The following EIPR1 variants were observed in gnomAD, a reference collection of about 807,000 sequenced individuals.
The protein encoded by EIPR1 is EARP complex and GARP complex interacting protein 1.
Under a neutral mutation model 48.1 loss-of-function variants are expected in EIPR1, and 25 were observed. The observed-to-expected ratio is 0.52, with a 90% confidence interval of 0.38 to 0.73. The LOEUF is 0.73. Ranked by LOEUF, EIPR1 falls within the 30% of genes least tolerant of loss-of-function variation. The pLI is 0.00. For synonymous variants in EIPR1, 204 were observed against 201.9 expected (o/e 1.01, Z -0.09); for missense variants, 415 against 506.2 (o/e 0.82, Z 1.73).
At chr2:3,295,407 C>T (rs185623380) in intron 3 of EIPR1, among the ~76,000 whole-genome samples, 1 of 140,782 alleles carries the variant, frequency 7.1e-6, no homozygotes, top group Non-Finnish European at 1.5e-5. Context: ...TACACACACA[C>T]CCTCCATCCA....
intron 1 of EIPR1, 87 bp downstream of exon 1, chr2:3,377,561 G>T (rs1659936956): frequency 1.3e-6 from 2 of 1,495,774 alleles, no homozygotes; most frequent in African/African-American, 2.8e-5. Context: ...GGGCTGGTGG[G>T]AGATCTGCAA....
At chr2:3,253,979 G>A (rs1175712050) in intron 4 of EIPR1, among the ~76,000 whole-genome samples, 1 of 152,174 alleles carries the variant, frequency 6.6e-6, no homozygotes, top group Non-Finnish European at 1.5e-5. Flanking sequence ...CGACGTGAGT[G>A]TGGGGAACCG....
chr2:3,218,264 T>C (rs2103140640), intron 4 of EIPR1, among the ~76,000 whole-genome samples: 1 of 148,750 alleles, frequency 6.7e-6, no homozygotes, highest in South Asian at 2.2e-4. Context: ...GCGTTCACAG[T>C]GACCCAGGTG....
chr2:3,213,381 G>A (rs1665523774), intron 5 of EIPR1, among the ~76,000 whole-genome samples: 1 of 152,130 alleles, frequency 6.6e-6, no homozygotes, highest in Non-Finnish European at 1.5e-5. Context: ...TTTACTCTGT[G>A]AGAGACAAAG....
chr2:3,361,505 T>G (rs1670850394), intron 1 of EIPR1, among the ~76,000 whole-genome samples: 2 of 151,382 alleles, frequency 1.3e-5, no homozygotes, highest in Non-Finnish European at 2.9e-5. Flanking sequence ...TGACTTGATG[T>G]CCCTCCCAAA....
In EIPR1 at chr2:3,257,374, T is replaced by C; in HGVS notation, c.341A>G (p.Asp114Gly). ...ELESGSHESPDDSSSTAQTLE... is the reference protein window; with the variant it reads ...ELESGSHESPGDSSSTAQTLE... ...GGTCTGTGCAGTGCTGGATGAATCA[T>C]CAGGGGACTCGTGGCTGCCTGATTC... The change falls in exon 4 of 9, where the codon GAT becomes GGT. Residue 114 changes from aspartate to glycine, a missense_variant. Transcript: ENST00000382125. 1 of 1,614,154 alleles carries C rather than the reference T, an allele frequency of 6.2e-7. No individual in the cohort carries two copies. The highest frequency in any genetic ancestry group is 8.5e-7 in the Non-Finnish European group (1 of 1,180,028).
chr2:3,291,726 G>A (rs535080847), intron 3 of EIPR1, among the ~76,000 whole-genome samples: 2 of 152,136 alleles, frequency 1.3e-5, no homozygotes, highest in Non-Finnish European at 2.9e-5. Context: ...TATAATAGAC[G>A]TGGAAGTTAT....
intron 3 of EIPR1, among the ~76,000 whole-genome samples, chr2:3,259,413 A>C (rs1481472318): frequency 6.6e-6 from 1 of 152,202 alleles, no homozygotes; most frequent in Admixed American, 6.5e-5. Flanking sequence ...CAATAAAGCA[A>C]AAGTGGTACA....
intron 3 of EIPR1, among the ~76,000 whole-genome samples, chr2:3,331,003 C>T (rs115001506): frequency 0.032 from 4,298 of 135,450 alleles, 207 homozygotes; most frequent in African/African-American, 0.12. Context: ...GACAGGTGCA[C>T]ACACTCATGA....
chr2:3,342,732 G>GA (rs1172385620), intron 2 of EIPR1, among the ~76,000 whole-genome samples: 1 of 152,210 alleles, frequency 6.6e-6, no homozygotes, highest in Non-Finnish European at 1.5e-5. Context: ...GCAGAGGGGG[G>GA]ATCCATGTTC....
At chr2:3,309,743 G>A (rs1669063980) in intron 3 of EIPR1, among the ~76,000 whole-genome samples, 1 of 152,210 alleles carries the variant, frequency 6.6e-6, no homozygotes, top group Non-Finnish European at 1.5e-5. Context: ...ACCCCAAAAC[G>A]ACAGATGCTT....
chr2:3,336,774 A>AAAAGGAAAAGAAAAGG (rs1413973260), intron 3 of EIPR1, among the ~76,000 whole-genome samples: 4 of 151,480 alleles, frequency 2.6e-5, no homozygotes, highest in East Asian at 1.9e-4. Flanking sequence ...TCAAGAAAAG[A>AAAAGGAAAAGAAAAGG]AAAGGAAAAG....
intron 3 of EIPR1, among the ~76,000 whole-genome samples, chr2:3,308,472 T>C (rs113345828): frequency 0.01 from 1,584 of 151,728 alleles, 38 homozygotes; most frequent in African/African-American, 0.036. Flanking sequence ...ACAGGAAATG[T>C]CCAATTTGAA....
intron 4 of EIPR1, among the ~76,000 whole-genome samples, chr2:3,242,289 T>C (rs4854110): frequency 0.013 from 151 of 12,034 alleles, 27 homozygotes; most frequent in Middle Eastern, 0.14. Flanking sequence ...TTCAGGCCCC[T>C]AACTCCACAC....
intron 3 of EIPR1, among the ~76,000 whole-genome samples, chr2:3,301,797 G>A (rs1295941445): frequency 2.0e-5 from 3 of 152,174 alleles, no homozygotes; most frequent in Non-Finnish European, 4.4e-5. Context: ...GATACCTGTG[G>A]ATACTCAAAC....
At chr2:3,265,917 T>G (rs1476574641) in intron 3 of EIPR1, among the ~76,000 whole-genome samples, 1 of 152,240 alleles carries the variant, frequency 6.6e-6, no homozygotes, top group Non-Finnish European at 1.5e-5. Context: ...AACAGCCCCC[T>G]GCTTTGAAAG....
chr2:3,255,642 A>T (rs1271643343), intron 4 of EIPR1, among the ~76,000 whole-genome samples: 1 of 152,216 alleles, frequency 6.6e-6, no homozygotes, highest in Non-Finnish European at 1.5e-5. Context: ...CCTTGTCCCC[A>T]GGCAGGGCCA....
chr2:3,342,281 A>G (rs1216994287), intron 2 of EIPR1, among the ~76,000 whole-genome samples: 2 of 152,150 alleles, frequency 1.3e-5, no homozygotes, highest in Admixed American at 6.5e-5. Flanking sequence ...ATATAATACC[A>G]TCACACAGGA....
In EIPR1 at chr2:3,349,616, CGGGAGACAGGGACAGGGAGCATGCT is replaced by C. The variant is rs1298813955; in HGVS notation, c.126+4909_126+4933del. ...CAGGAGACGGGGACAGGGAGGACGCCGGGAGACAGGGACAGGGAGCATGCTGGGAGACAGGGACAGGGAGCATGCT... is the reference window on the plus strand; with the variant it reads ...CAGGAGACGGGGACAGGGAGGACGCCGGGAGACAGGGACAGGGAGCATGCT... On this transcript the variant is annotated intron_variant, in intron 2 of 8. Coordinates refer to ENST00000382125, the MANE Select transcript of EIPR1 (RefSeq NM_003310.5). Among the ~76,000 whole-genome samples the C allele has an allele frequency of 6.8e-3, 992 of 145,348 alleles. 4 individuals are homozygous for C. The highest frequency in any genetic ancestry group is 0.01 in the Non-Finnish European group (689 of 66,274).
Sources: allele counts gnomAD v4.1 joint callset (sites outside exome capture counted in the v4.1 genomes callset), GRCh38; gene constraint gnomAD v4.1.1; transcripts MANE v1.5; gene names NCBI Gene and HGNC (gene_info 2026-07-23, HGNC 2026-07-21).